TRAK1: variants seen among roughly 807,000 people sequenced by gnomAD.
The protein encoded by TRAK1 is trafficking kinesin protein 1, also known as trafficking kinesin-binding protein 1.
TRAK1 carries 33 observed loss-of-function variants against 92.1 expected under a neutral mutation model. The ratio of observed to expected loss-of-function variants is 0.36; its 90% CI spans 0.27 to 0.48. The LOEUF (loss-of-function observed/expected upper bound fraction) is 0.48. Among genes scored for constraint, TRAK1 ranks in the 20% least tolerant of loss-of-function variants. TRAK1 has a pLI of 0.99. For missense variants in TRAK1, 1,123 were observed against 1,257.9 expected, an observed-to-expected ratio of 0.89 and a Z score of 1.62; for synonymous variants, 521 against 517.3, an observed-to-expected ratio of 1.01 and a Z score of -0.10.
chr3:42,196,539 CTTTT>C (rs35807078), intron 10 of TRAK1, among the ~76,000 whole-genome samples: 4 of 135,454 alleles, frequency 3.0e-5, no homozygotes, highest in Admixed American at 7.7e-5. Flanking sequence ...TTCTCTTCTT[CTTTT>C]TTTTTTTTTT....
At chr3:42,153,896 C>T (rs1700236325) in intron 2 of TRAK1, among the ~76,000 whole-genome samples, 1 of 152,040 alleles carries the variant, frequency 6.6e-6, no homozygotes, top group South Asian at 2.1e-4. Flanking sequence ...TTGTGTGATG[C>T]GCCCGTGAAG....
chr3:42,206,177 G>A (rs1283507545), intron 13 of TRAK1, among the ~76,000 whole-genome samples: 1 of 152,184 alleles, frequency 6.6e-6, no homozygotes, highest in African/African-American at 2.4e-5. Flanking sequence ...AGGCAGCCAG[G>A]GGATTGGTAG....
At chr3:42,032,715 G>GT (rs1159996007) in intron 1 of TRAK1, among the ~76,000 whole-genome samples, 1 of 152,178 alleles carries the variant, frequency 6.6e-6, no homozygotes, top group Non-Finnish European at 1.5e-5. Flanking sequence ...TAAAACAAGT[G>GT]TGGTAGGCTG....
intron 1 of TRAK1, among the ~76,000 whole-genome samples, chr3:42,054,406 A>C (rs2148917668): frequency 6.6e-6 from 1 of 152,334 alleles, no homozygotes; most frequent in South Asian, 2.1e-4. Context: ...CTTGCAAGCC[A>C]GAATCAGGAG....
At chr3:42,210,316 A>G (rs1577032145) in intron 14 of TRAK1, 5 of 1,498,614 alleles carry the variant, frequency 3.3e-6, no homozygotes, top group Non-Finnish European at 4.4e-6. Flanking sequence ...GATGCCTCCT[A>G]TTTGTAACAA....
intron 4 of TRAK1, among the ~76,000 whole-genome samples, chr3:42,186,858 A>G (rs1704945039): frequency 6.6e-6 from 1 of 152,220 alleles, no homozygotes; most frequent in Non-Finnish European, 1.5e-5. Flanking sequence ...ATGCACGTAA[A>G]ATTGTCTTCT....
At chr3:42,117,922 C>T (rs765255640) in intron 1 of TRAK1, among the ~76,000 whole-genome samples, 66 of 151,964 alleles carry the variant, frequency 4.3e-4, no homozygotes, top group Non-Finnish European at 7.4e-4. Context: ...TGGGTTTAAG[C>T]GATTCTCCCG....
chr3:42,079,488 T>G (rs1302376545), intron 1 of TRAK1, among the ~76,000 whole-genome samples: 3 of 149,650 alleles, frequency 2.0e-5, no homozygotes, highest in African/African-American at 7.4e-5. Context: ...TTTTTTTTTT[T>G]TTTTTGTTTT....
rs189004359 is a variant in TRAK1 at position 42,176,394 on chromosome 3, G to A, written c.287-420G>A. ...CTTTCTGAAGGATCCCAGTCTGTTC[G>A]TATGGTTGGGTCTGTATGGTTAGTG... is the stretch of plus-strand genomic sequence containing the variant. On this transcript the variant is annotated intron_variant, in intron 2 of 15. Transcript: ENST00000327628. Among the ~76,000 whole-genome samples, 19 of 152,258 alleles carry A rather than the reference G, an allele frequency of 1.2e-4. No homozygotes were observed. In the East Asian group the frequency reaches 2.9e-3, roughly 23 times the overall value.
chr3:42,197,919 A>G (rs1706982974), intron 10 of TRAK1, among the ~76,000 whole-genome samples: 1 of 152,188 alleles, frequency 6.6e-6, no homozygotes. Flanking sequence ...GCAAATTTAA[A>G]TCAATTAAGT....
intron 1 of TRAK1, among the ~76,000 whole-genome samples, chr3:42,094,711 GTTA>G (rs1395984189): frequency 6.6e-6 from 1 of 152,188 alleles, no homozygotes; most frequent in Non-Finnish European, 1.5e-5. Context: ...GAAATATAAT[GTTA>G]TAAATCCTGT....
rs571138046 is a variant in TRAK1, at chr3:42,177,225, A to G, written c.363+335A>G. Among the ~76,000 whole-genome samples the G allele has an allele frequency of 1.5e-4, 23 of 152,372 alleles. No individual in the cohort carries two copies. In the South Asian group the frequency reaches 3.7e-3, roughly 25 times the overall value. On this transcript the variant is annotated intron_variant, in intron 3 of 15. Coordinates refer to ENST00000327628, the MANE Select transcript of TRAK1 (RefSeq NM_001042646.3). ...CCAAAAAATGTCAGAAAAATATATCATATCTGTGTCTTCCTAATGTATTTA... is the reference window on the plus strand; with the variant it reads ...CCAAAAAATGTCAGAAAAATATATCGTATCTGTGTCTTCCTAATGTATTTA...
At chr3:42,222,756 C>T (rs1249941594) in intron 15 of TRAK1, among the ~76,000 whole-genome samples, 186 bp from the exon 16 acceptor site, 1 of 152,132 alleles carries the variant, frequency 6.6e-6, no homozygotes, top group Non-Finnish European at 1.5e-5. Flanking sequence ...TTAACTTAAA[C>T]CATGCTTCCC....
chr3:42,144,015 A>G (rs1314432337), intron 2 of TRAK1, among the ~76,000 whole-genome samples: 1 of 152,166 alleles, frequency 6.6e-6, no homozygotes, highest in Non-Finnish European at 1.5e-5. Flanking sequence ...TTTTCTTAAA[A>G]AGTGAATTGG....
chr3:42,020,652 TG>T (rs1216314812), intron 1 of TRAK1, among the ~76,000 whole-genome samples: 3 of 152,060 alleles, frequency 2.0e-5, no homozygotes, highest in Non-Finnish European at 4.4e-5. Context: ...TGCTCAGGAG[TG>T]GATCATTGGG....
chr3:42,033,237 T>TA (rs1363811850), intron 1 of TRAK1, among the ~76,000 whole-genome samples: 1 of 152,102 alleles, frequency 6.6e-6, no homozygotes, highest in Non-Finnish European at 1.5e-5. Context: ...GAGGCGCAAT[T>TA]AGAGAGCTCT....
intron 2 of TRAK1, among the ~76,000 whole-genome samples, chr3:42,137,832 A>T (rs1374107885): frequency 6.6e-6 from 1 of 152,196 alleles, no homozygotes; most frequent in Non-Finnish European, 1.5e-5. Flanking sequence ...TCCATCATCC[A>T]CGGACTAAAT....
chr3:42,065,872 C>T (rs1703655470), intron 1 of TRAK1, among the ~76,000 whole-genome samples: 1 of 152,120 alleles, frequency 6.6e-6, no homozygotes, highest in Non-Finnish European at 1.5e-5. Flanking sequence ...TCAAGTGATC[C>T]ACTCGCCTCA....
At chr3:42,150,126 T>C (rs1378242492) in intron 2 of TRAK1, among the ~76,000 whole-genome samples, 3 of 151,422 alleles carry the variant, frequency 2.0e-5, no homozygotes, top group African/African-American at 7.3e-5. Flanking sequence ...ACTTAGCGGG[T>C]GATTCAAATG....
Sources: gnomAD v4.1 joint callset for allele counts (sites outside exome capture counted in the v4.1 genomes callset) on GRCh38, gnomAD v4.1.1 for gene constraint, MANE v1.5 for transcripts, NCBI Gene and HGNC (gene_info 2026-07-23, HGNC 2026-07-21) for gene names.